PLXDC2: variants seen among roughly 807,000 people sequenced by gnomAD.
PLXDC2 encodes the protein plexin domain containing 2, also known as plexin domain-containing protein 2.
In PLXDC2, 40 loss-of-function variants were observed where a neutral mutation model predicts 68.9. The ratio of observed to expected loss-of-function variants is 0.58; its 90% confidence interval spans 0.45 to 0.76. The LOEUF (loss-of-function observed/expected upper bound fraction) is 0.76. Among genes scored for constraint, PLXDC2 ranks in the 30% least tolerant of loss-of-function variants. PLXDC2 has a pLI of 0.00. For synonymous variants in PLXDC2, 243 were observed against 234.2 expected, an observed-to-expected ratio of 1.04 and a Z score of -0.34; for missense variants, 644 against 661.9, an observed-to-expected ratio of 0.97 and a Z score of 0.30.
chr10:19,902,911 G>A (rs1225540293), intron 1 of PLXDC2, among the ~76,000 whole-genome samples: 3 of 152,092 alleles, frequency 2.0e-5, no homozygotes, highest in African/African-American at 4.8e-5. Context: ...TTTGTCAAAT[G>A]CTTTTTTCTA....
chr10:20,131,498 C>A (rs187712299), intron 4 of PLXDC2, among the ~76,000 whole-genome samples: 1 of 152,206 alleles, frequency 6.6e-6, no homozygotes, highest in African/African-American at 2.4e-5. Flanking sequence ...CTCCTGAGTT[C>A]GAGCAATTCT....
At chr10:19,982,058 A>T (rs1834559492) in intron 1 of PLXDC2, among the ~76,000 whole-genome samples, 1 of 152,200 alleles carries the variant, frequency 6.6e-6, no homozygotes, top group African/African-American at 2.4e-5. Flanking sequence ...TCCAGAATAT[A>T]TAGTATTCAT....
At chr10:19,996,942 T>C (rs2131633816) in intron 1 of PLXDC2, among the ~76,000 whole-genome samples, 1 of 152,156 alleles carries the variant, frequency 6.6e-6, no homozygotes, top group East Asian at 1.9e-4. Context: ...GATTCAATTA[T>C]CTCCCACTGT....
rs150427435 is a variant in PLXDC2 at position 19,842,661 on chromosome 10, T to A, written c.112+25470T>A. 6.3e-3 allele frequency among the ~76,000 whole-genome samples: 961 copies of A among 152,312 alleles called. 9 individuals are homozygous for A. Among genetic ancestry groups the A allele is most frequent in the African/African-American group, 0.021 (870 of 41,568 alleles). On this transcript the variant is annotated intron_variant, in intron 1 of 13. Transcript: ENST00000377252. ...AGATTATCTGCAAAACCTAAGCCAG[T>A]AAGAAGCTTTTATCTTGCTCGGAGA... is the stretch of plus-strand genomic sequence containing the variant.
intron 2 of PLXDC2, among the ~76,000 whole-genome samples, chr10:20,042,842 C>T (rs1835706759): frequency 6.6e-6 from 1 of 152,056 alleles, no homozygotes; most frequent in Admixed American, 6.6e-5. Flanking sequence ...TACAGCTGCA[C>T]ATTTCCATGC....
intron 1 of PLXDC2, among the ~76,000 whole-genome samples, chr10:19,872,053 T>C (rs1837548431): frequency 6.6e-6 from 1 of 152,296 alleles, no homozygotes; most frequent in South Asian, 2.1e-4. Flanking sequence ...ATTGAATGAA[T>C]GAAAGGCACC....
At chr10:20,271,442 T>C (rs1386541272) in intron 13 of PLXDC2, among the ~76,000 whole-genome samples, 1 of 152,200 alleles carries the variant, frequency 6.6e-6, no homozygotes, top group Non-Finnish European at 1.5e-5. Flanking sequence ...AAACGCTTTT[T>C]CCTGATGTTT....
At chr10:19,978,489 T>A (rs950046154) in intron 1 of PLXDC2, among the ~76,000 whole-genome samples, 1 of 152,234 alleles carries the variant, frequency 6.6e-6, no homozygotes, top group African/African-American at 2.4e-5. Context: ...AGAAATATTC[T>A]ATACAATCTT....
intron 4 of PLXDC2, among the ~76,000 whole-genome samples, chr10:20,126,144 T>C (rs1833772078): frequency 6.8e-6 from 1 of 147,486 alleles, no homozygotes; most frequent in Non-Finnish European, 1.5e-5. Context: ...TATGTGTATA[T>C]ATAACATATA....
At chr10:19,959,646 C>T (rs1834124101) in intron 1 of PLXDC2, among the ~76,000 whole-genome samples, 1 of 152,112 alleles carries the variant, frequency 6.6e-6, no homozygotes, top group South Asian at 2.1e-4. Flanking sequence ...GAGTAAATAG[C>T]TTAGGTCTTT....
At chr10:20,158,673 GTAAA>G (rs34641917) in intron 6 of PLXDC2, among the ~76,000 whole-genome samples, 4,047 of 148,488 alleles carry the variant, frequency 0.027, 71 homozygotes, top group South Asian at 0.075. Context: ...AAATAAATAA[GTAAA>G]TAAATAAATA....
intron 10 of PLXDC2, among the ~76,000 whole-genome samples, chr10:20,213,639 T>C (rs1048387092): frequency 6.6e-6 from 1 of 152,132 alleles, no homozygotes. Flanking sequence ...TTACAGAGGC[T>C]TTTAAAATTT....
intron 4 of PLXDC2, among the ~76,000 whole-genome samples, chr10:20,082,775 C>A (rs537168112): frequency 6.6e-6 from 1 of 152,120 alleles, no homozygotes; most frequent in Non-Finnish European, 1.5e-5. Context: ...AACCACCTAA[C>A]GCCCATCACT....
rs986048956 is a variant in PLXDC2 at position 20,177,618 on chromosome 10, A to G, written c.1061+209A>G. 2.0e-5 allele frequency among the ~76,000 whole-genome samples: 3 copies of G among 152,106 alleles called. No individual in the cohort carries two copies. The South Asian group carries it at 6.2e-4, about 32-fold the overall frequency. ...TGTTTCTACCAAAAAAGTTTTAACA[A>G]ATTAACTGGGCATGGCAGGTGCGTG... On this transcript the variant is annotated intron_variant, in intron 9 of 13. Coordinates refer to ENST00000377252, the MANE Select transcript of PLXDC2 (RefSeq NM_032812.9).
chr10:20,233,100 C>G (rs967813722), intron 12 of PLXDC2, among the ~76,000 whole-genome samples: 7 of 152,068 alleles, frequency 4.6e-5, no homozygotes, highest in Admixed American at 3.3e-4. Context: ...TCATGTGATT[C>G]ATGTTTTGCT....
At chr10:20,149,224 C>CTTTTTTTTTTT (rs1554770079) in intron 6 of PLXDC2, among the ~76,000 whole-genome samples, 9 of 20,070 alleles carry the variant, frequency 4.5e-4, no homozygotes, top group Middle Eastern at 0.036. Context: ...CTTTTTTTTT[C>CTTTTTTTTTTT]TTTTCTTTTT....
At chr10:20,182,912 G>A (rs1834627370) in intron 9 of PLXDC2, among the ~76,000 whole-genome samples, 1 of 151,852 alleles carries the variant, frequency 6.6e-6, no homozygotes, top group South Asian at 2.1e-4. Context: ...TGTTCTCATT[G>A]TTCAACTCCC....
At chr10:19,960,185 C>T (rs1465810913) in intron 1 of PLXDC2, among the ~76,000 whole-genome samples, 2 of 81,942 alleles carry the variant, frequency 2.4e-5, no homozygotes, top group Non-Finnish European at 4.9e-5. Flanking sequence ...ATCTAGAGCT[C>T]GTCTCAAAAA....
At chr10:20,134,937 G>T (rs1488757017) in intron 4 of PLXDC2, among the ~76,000 whole-genome samples, 1 of 152,164 alleles carries the variant, frequency 6.6e-6, no homozygotes, top group South Asian at 2.1e-4. Context: ...CACCTGGAGG[G>T]TATATTTCTC....
Sources: allele counts gnomAD v4.1 joint callset (sites outside exome capture counted in the v4.1 genomes callset), GRCh38; gene constraint gnomAD v4.1.1; transcripts MANE v1.5; gene names NCBI Gene and HGNC (gene_info 2026-07-23, HGNC 2026-07-21).